ZMYND15: variants seen among roughly 807,000 people sequenced by gnomAD.
ZMYND15 encodes zinc finger MYND domain-containing protein 15.
A neutral mutation model predicts 81.7 loss-of-function variants in ZMYND15; 54 were observed. The ratio of observed to expected loss-of-function variants is 0.66; its 90% confidence interval spans 0.53 to 0.83. ZMYND15 has a LOEUF of 0.83. Among genes scored for constraint, ZMYND15 ranks in the 40% least tolerant of loss-of-function variants. The pLI, the probability that ZMYND15 is intolerant of heterozygous loss-of-function variation, is 0.00. For missense variants in ZMYND15, 925 were observed against 973.5 expected (o/e 0.95, Z 0.66); for synonymous variants, 399 against 387.0 (o/e 1.03, Z -0.36).
At position 4,745,167 on chromosome 17, in the gene ZMYND15, G is replaced by C. The variant is rs1434733125; in HGVS notation, c.1897-48G>C. The C allele has an allele frequency of 1.2e-6, 2 of 1,613,118 alleles. No homozygotes were observed. Among genetic ancestry groups the C allele is most frequent in the Non-Finnish European group, 1.7e-6 (2 of 1,179,656 alleles). ...CCCGGTCTGTCATTCTGGCTGCTGG[G>C]ATGGATTTGGGGAGGGGCCTCTCAG... On this transcript the variant is annotated intron_variant, in intron 12 of 13. Transcript: ENST00000433935. This position sits in a 1 kb window ranked among gnomAD's most constrained non-coding sequence, Gnocchi z 5.2.
chr17:4,744,079 C>T lies in ZMYND15; in HGVS notation c.1467C>T (p.Tyr489=), dbSNP rs772919477. ...TCACCTACCCGCTGACCGTGTACTA[C>T]GTCATCACCCACCTGGTGCCCCAGT... ...VLLTYPLTVY[Y]VITHLVPQSF... Residue 489 remains tyrosine (Y), a synonymous_variant, in exon 8 of 14, where the codon TAC becomes TAT. Transcript: ENST00000433935. The surrounding 1 kb of genome is among the most constrained non-coding windows in gnomAD (Gnocchi z 4.1). 7 of 1,575,976 alleles carry T rather than the reference C, an allele frequency of 4.4e-6. No individual in the cohort carries two copies. Among genetic ancestry groups the T allele is most frequent in the Non-Finnish European group, 6.0e-6 (7 of 1,160,246 alleles).
At position 4,745,355 on chromosome 17, in the gene ZMYND15, G is replaced by A. The variant is rs748144851; in HGVS notation, c.2037G>A (p.Ala679=). 1.4e-5 allele frequency: 23 copies of A among 1,606,988 alleles called. No individual in the cohort carries two copies. Among genetic ancestry groups the A allele is most frequent in the Admixed American group, 1.7e-5 (1 of 57,990 alleles). ...NPFRSPFRLR[A]ADNCMSWYCN... ...TCCGCTCCCCCTTTCGCCTCAGAGC[G>A]GCCGACAACTGCATGTCCTGGTAAG... Residue 679 remains alanine, a synonymous_variant, in exon 13 of 14, where the codon GCG becomes GCA. Coordinates refer to ENST00000433935, the MANE Select transcript of ZMYND15 (RefSeq NM_001136046.3). The surrounding 1 kb of genome is among the most constrained non-coding windows in gnomAD (Gnocchi z 5.2).
chr17:4,740,538 C>G lies in ZMYND15; in HGVS notation c.-11C>G. 1 of 1,578,162 alleles carries G rather than the reference C, an allele frequency of 6.3e-7. No individual in the cohort carries two copies. Among genetic ancestry groups the G allele is most frequent in the Non-Finnish European group, 8.6e-7 (1 of 1,158,096 alleles). On this transcript the variant is annotated 5_prime_UTR_variant, in exon 2 of 14. Transcript: ENST00000433935. ...GCTCAGTCTGGGCCGGGGCCCTGTG[C>G]CGCTGAAGACATGGAGTTTGTGTCT...
rs2150628044 is a variant in ZMYND15, at chr17:4,742,352, G to A, written c.1005G>A (p.Leu335=). 6.2e-7 allele frequency: 1 copy of A among 1,614,070 alleles called. No individual in the cohort carries two copies. Among genetic ancestry groups the A allele is most frequent in the Non-Finnish European group, 8.5e-7 (1 of 1,179,980 alleles). The change falls in exon 5 of 14, where the codon TTG becomes TTA. Residue 335 remains leucine, a synonymous_variant. Coordinates refer to ENST00000433935, the MANE Select transcript of ZMYND15 (RefSeq NM_001136046.3). ...CCAGCCCCCAGTGTAGTGCTGTCTT[G>A]TATTGTGGAGAGGCTTGTCTCCGGG... The part of the protein sequence containing the change: ...LTPCPQCSAV[L]YCGEACLRAD...
chr17:4,745,758 G>GGAGCCCCGACCCCTGT lies in ZMYND15; in HGVS notation c.2058-57_2058-56insCCCGACCCCTGTGAGC. On this transcript the variant is annotated intron_variant, in intron 13 of 13. Transcript: ENST00000433935. The surrounding 1 kb of genome is among the most constrained non-coding windows in gnomAD (Gnocchi z 5.2). ...GCGCCCCTGGGAGCCCCGACCCCTG[G>GGAGCCCCGACCCCTGT]GAGCGCCGACCCCTGGGAGTCCCGC... 7.0e-7 allele frequency: 1 copy of GGAGCCCCGACCCCTGT among 1,433,714 alleles called. No homozygotes were observed. The highest frequency in any genetic ancestry group is 1.3e-5 in the South Asian group (1 of 75,396). The allele number at this position is 1,433,714 out of a possible 1,614,324, so 88.8% of individuals were successfully genotyped here. A position where few individuals can be genotyped will look rare whatever the true frequency, so the allele number is the denominator to read the frequency against.
intron 1 of ZMYND15, 63 bp from the exon 2 acceptor site, chr17:4,740,456 A>T: frequency 6.9e-7 from 1 of 1,442,630 alleles, no homozygotes; most frequent in Non-Finnish European, 9.2e-7. Flanking sequence ...TCAATTTGTG[A>T]CCCAGCCCCA....
chr17:4,741,017 GAAAC>G lies in ZMYND15; in HGVS notation c.474_477del (p.Asn159LeufsTer51), dbSNP rs1567697615. 1.2e-5 allele frequency: 19 copies of G among 1,554,478 alleles called. No individual in the cohort carries two copies. Among genetic ancestry groups the G allele is most frequent in the Non-Finnish European group, 1.6e-5 (18 of 1,148,454 alleles). On this transcript the variant is annotated frameshift_variant, in exon 2 of 14. Transcript: ENST00000433935. LOFTEE classifies it high-confidence loss of function. ...CCCTACCAGCAGGGAGTCCCCCCAG[GAAAC>G]AAACCCTCCAGGAGAGTCAGAGGAG...
Position 4,745,735 on chromosome 17 carries a change from G to GCCCCTGGGGGCCCCGA in ZMYND15, c.2058-76_2058-75insGGCCCCGACCCCTGGG. 2 of 775,944 alleles carry GCCCCTGGGGGCCCCGA rather than the reference G, an allele frequency of 2.6e-6. No individual in the cohort carries two copies. Among genetic ancestry groups the GCCCCTGGGGGCCCCGA allele is most frequent in the South Asian group, 2.1e-5 (1 of 47,414 alleles). The allele number at this position is 775,944 out of a possible 1,614,324, so 48.1% of individuals were successfully genotyped here. On this transcript the variant is annotated intron_variant, in intron 13 of 13. Coordinates refer to ENST00000433935, the MANE Select transcript of ZMYND15 (RefSeq NM_001136046.3). This position sits in a 1 kb window ranked among gnomAD's most constrained non-coding sequence, Gnocchi z 5.2. ...GCCCCGCCCCCTGGTCCCTGACCGC[G>GCCCCTGGGGGCCCCGA]CCCCTGGGAGCCCCGACCCCTGGGA...
At chr17:4,742,255 A>G in intron 4 of ZMYND15, 76 bp from the exon 5 acceptor site, 1 of 1,574,652 alleles carries the variant, frequency 6.4e-7, no homozygotes, top group Admixed American at 1.7e-5. Flanking sequence ...ACATATGGGC[A>G]GCTGCTGGGC....
Position 4,740,577 on chromosome 17 carries a change from A to T in ZMYND15, c.29A>T (p.Glu10Val). 1 of 1,605,712 alleles carries T rather than the reference A, an allele frequency of 6.2e-7. No homozygotes were observed. Among genetic ancestry groups the T allele is most frequent in the South Asian group, 1.1e-5 (1 of 90,546 alleles). Reference sequence around the variant, plus strand: ...GAGTTTGTGTCTGGATACCGGGATGAGTTCCTTGATTTCACTGCCCTTCTC... The same window carrying T: ...GAGTTTGTGTCTGGATACCGGGATGTGTTCCTTGATTTCACTGCCCTTCTC... The part of the protein sequence containing the change: MEFVSGYRD[E>V]FLDFTALLFG... The change falls in exon 2 of 14, where the codon GAG (glutamate) becomes GTG (valine). Residue 10 changes from glutamate (E) to valine (V), a missense_variant. Coordinates refer to ENST00000433935, the MANE Select transcript of ZMYND15 (RefSeq NM_001136046.3).
chr17:4,740,497 A>C (rs1036034220), intron 1 of ZMYND15, 22 bp from the exon 2 acceptor site: 3 of 1,527,406 alleles, frequency 2.0e-6, no homozygotes, highest in Non-Finnish European at 1.8e-6. Context: ...GTCCCTCACC[A>C]TATATCCCTT....
In ZMYND15 at chr17:4,742,937, C is replaced by T. The variant is rs559690214; in HGVS notation, c.1145-366C>T. Among the ~76,000 whole-genome samples, 9 of 152,198 alleles carry T rather than the reference C, an allele frequency of 5.9e-5. No individual in the cohort carries two copies. In the South Asian group the frequency reaches 1.9e-3, roughly 32 times the overall value. On this transcript the variant is annotated intron_variant, in intron 5 of 13. Coordinates refer to ENST00000433935, the MANE Select transcript of ZMYND15 (RefSeq NM_001136046.3). The stretch of plus-strand genomic sequence containing the variant: ...CTGGAACCAGACTTAGAACCAGGGT[C>T]CTCGCGGGAGGCTAGGGAGAGTTCA...
In ZMYND15 at chr17:4,745,875, C is replaced by T. The variant is rs755894502; in HGVS notation, c.2114C>T (p.Ala705Val). ...TACAAGCCTGCTCAAGGGAGCGGGG[C>T]CCGCCCGGCGCCCGGGCCCCCACCC... The part of the protein sequence containing the change: ...LVYKPAQGSG[A>V]RPAPGPPPPS... Residue 705 changes from alanine to valine, a missense_variant, in exon 14 of 14, where the codon GCC becomes GTC. By Grantham distance (64) the Ala-to-Val change is moderately conservative (BLOSUM62 0). Coordinates refer to ENST00000433935, the MANE Select transcript of ZMYND15 (RefSeq NM_001136046.3). This position sits in a 1 kb window ranked among gnomAD's most constrained non-coding sequence, Gnocchi z 5.2. 2 of 1,580,448 alleles carry T rather than the reference C, an allele frequency of 1.3e-6. No individual in the cohort carries two copies. The highest frequency in any genetic ancestry group is 1.7e-6 in the Non-Finnish European group (2 of 1,165,430).
chr17:4,745,497 C>A lies in ZMYND15; in HGVS notation c.2057+122C>A. 2 of 1,221,840 alleles carry A rather than the reference C, an allele frequency of 1.6e-6. No individual in the cohort carries two copies. The highest frequency in any genetic ancestry group is 2.3e-6 in the Non-Finnish European group (2 of 885,028). The allele number at this position is 1,221,840 out of a possible 1,614,324, so 75.7% of individuals were successfully genotyped here. ...GTCCTGGGGCCCTCCTGCCCCCAGC[C>A]CAGCAACCTGCCTTCTCTGTCCCCA... On this transcript the variant is annotated intron_variant, in intron 13 of 13. Transcript: ENST00000433935. This position sits in a 1 kb window ranked among gnomAD's most constrained non-coding sequence, Gnocchi z 5.2.
Position 4,745,916 on chromosome 17 carries a change from T to C in ZMYND15, c.2155T>C (p.Ser719Pro). The C allele has an allele frequency of 6.8e-7, 1 of 1,471,206 alleles. No individual in the cohort carries two copies. Among genetic ancestry groups the C allele is most frequent in the Non-Finnish European group, 9.1e-7 (1 of 1,103,482 alleles). 91.1% of individuals were successfully genotyped at this position (1,471,206 alleles called of 1,614,324 possible). The change falls in exon 14 of 14, where the codon TCT (serine) becomes CCT (proline). Residue 719 changes from serine to proline, a missense_variant. By Grantham distance (74) the Ser-to-Pro change is moderately conservative. Coordinates refer to ENST00000433935, the MANE Select transcript of ZMYND15 (RefSeq NM_001136046.3). The surrounding 1 kb of genome is among the most constrained non-coding windows in gnomAD (Gnocchi z 5.2). ...GCCCCCACCCCCATCCCCAACTCCC[T>C]CTGCTCCTCCTGCCCCCACCCGAAG... ...PGPPPPSPTP[S>P]APPAPTRRRR... is the part of the protein sequence containing the mutation.
intron 1 of ZMYND15, 131 bp downstream of exon 1, chr17:4,740,181 C>A: frequency 1.4e-6 from 1 of 697,740 alleles, no homozygotes; most frequent in Non-Finnish European, 1.8e-6. Context: ...CTTCCCTCCC[C>A]ACCAAACCGT....
rs984835073 is a variant in ZMYND15, at chr17:4,745,452, C to T, written c.2057+77C>T. 3 of 1,511,828 alleles carry T rather than the reference C, an allele frequency of 2.0e-6. No homozygotes were observed. The highest frequency in any genetic ancestry group is 2.7e-6 in the Non-Finnish European group (3 of 1,123,998). The allele number at this position is 1,511,828 out of a possible 1,614,324, so 93.7% of individuals were successfully genotyped here. On this transcript the variant is annotated intron_variant, in intron 13 of 13. Transcript: ENST00000433935. This position sits in a 1 kb window ranked among gnomAD's most constrained non-coding sequence, Gnocchi z 5.2. Reference sequence around the variant, plus strand: ...CTGGCTCCACATCCTCGAAGGCCCACCTCTACCCTAGTCCCTGCTGTCCTG... The same window carrying T: ...CTGGCTCCACATCCTCGAAGGCCCATCTCTACCCTAGTCCCTGCTGTCCTG...
At chr17:4,741,501 A>T (rs189898402) in intron 2 of ZMYND15, 81 bp from the exon 3 acceptor site, 1 of 1,479,936 alleles carries the variant, frequency 6.8e-7, no homozygotes. Context: ...CCCCGTAGGT[A>T]TTTGAGTTTG....
In ZMYND15 at chr17:4,743,771, C is replaced by T. The variant is rs1454562337; in HGVS notation, c.1302C>T (p.Asp434=). 6 of 1,613,602 alleles carry T rather than the reference C, an allele frequency of 3.7e-6. No homozygotes were observed. Among genetic ancestry groups the T allele is most frequent in the Admixed American group, 3.3e-5 (2 of 59,952 alleles). The change falls in exon 7 of 14, where the codon GAC becomes GAT. Residue 434 remains aspartate, a synonymous_variant. Transcript: ENST00000433935. This position sits in a 1 kb window ranked among gnomAD's most constrained non-coding sequence, Gnocchi z 4.3. ...TPSLSLLRGG[D]PYQLLQGDGT... Reference sequence around the variant, plus strand: ...CTCCTTCTTTCATCCTCTCAGGAGACCCCTACCAGCTTCTCCAGGGAGACG... The same window carrying T: ...CTCCTTCTTTCATCCTCTCAGGAGATCCCTACCAGCTTCTCCAGGGAGACG...
Sources: gnomAD v4.1 joint callset for allele counts (sites outside exome capture counted in the v4.1 genomes callset) on GRCh38, gnomAD v4.1.1 for gene constraint, Gnocchi (gnomAD v3.1) non-coding constraint, MANE v1.5 for transcripts, NCBI Gene and HGNC (gene_info 2026-07-23, HGNC 2026-07-21) for gene names.